Variants in ZNF277 observed in about 807,000 individuals in gnomAD.
ZNF277 encodes the protein nuclear receptor-interacting factor 4.
Under a neutral mutation model 60.7 loss-of-function variants are expected in ZNF277, and 55 were observed. The observed-to-expected ratio is 0.91, with a 90% CI of 0.73 to 1.13. The LOEUF (loss-of-function observed/expected upper bound fraction) is 1.13. Among genes scored for constraint, ZNF277 ranks in the 50% most tolerant of loss-of-function variants. The pLI is 0.00. For missense variants in ZNF277, 510 were observed against 523.0 expected (o/e 0.98, Z 0.24); for synonymous variants, 178 against 179.3 (o/e 0.99, Z 0.06).
chr7:112,289,614 G>T (rs1792158514), intron 2 of ZNF277, among the ~76,000 whole-genome samples: 1 of 152,136 alleles, frequency 6.6e-6, no homozygotes, highest in Non-Finnish European at 1.5e-5. Context: ...TATGTGGTGA[G>T]ATCTGTTGAT....
At chr7:112,241,479 C>G (rs1379862768) in intron 1 of ZNF277, among the ~76,000 whole-genome samples, 1 of 152,060 alleles carries the variant, frequency 6.6e-6, no homozygotes, top group Non-Finnish European at 1.5e-5. Context: ...ATGTGCAATC[C>G]AGCAATCCTG....
chr7:112,224,306 T>A (rs1822116028), intron 1 of ZNF277, among the ~76,000 whole-genome samples: 1 of 152,244 alleles, frequency 6.6e-6, no homozygotes, highest in South Asian at 2.1e-4. Flanking sequence ...TAAAAAATTG[T>A]AAACAAATTT....
chr7:112,336,946 A>G (rs1431094304), intron 8 of ZNF277, among the ~76,000 whole-genome samples: 4 of 152,184 alleles, frequency 2.6e-5, no homozygotes, highest in Non-Finnish European at 5.9e-5. Context: ...TCCTGGATGG[A>G]TAGAGTTAAG....
intron 1 of ZNF277, among the ~76,000 whole-genome samples, chr7:112,269,486 C>T (rs976128887): frequency 2.0e-5 from 3 of 152,082 alleles, no homozygotes; most frequent in Non-Finnish European, 4.4e-5. Flanking sequence ...GAAAAAAACA[C>T]TGGAACTGTA....
chr7:112,317,799 G>C (rs1168558892), intron 4 of ZNF277, among the ~76,000 whole-genome samples: 1 of 152,106 alleles, frequency 6.6e-6, no homozygotes, highest in Non-Finnish European at 1.5e-5. Context: ...ATGGAAGATA[G>C]TTCAAATGAA....
rs373878161 is a variant in ZNF277, at chr7:112,296,396, C to G, written c.465+85C>G. 106 of 605,900 alleles carry G rather than the reference C, an allele frequency of 1.7e-4. 1 individual carries two copies. Among genetic ancestry groups the G allele is most frequent in the East Asian group, 1.3e-3 (37 of 27,436 alleles). The allele number at this position is 605,900 out of a possible 1,614,324, so 37.5% of individuals were successfully genotyped here. On this transcript the variant is annotated intron_variant, in intron 4 of 11. Transcript: ENST00000361822. ...ATCATATTGGTTTTTTTTTTTTTTACTTTTTGTTATGGAAACTTTCAAACA... is the reference window on the plus strand; with the variant it reads ...ATCATATTGGTTTTTTTTTTTTTTAGTTTTTGTTATGGAAACTTTCAAACA...
chr7:112,318,596 T>C (rs1584406541), intron 5 of ZNF277, among the ~76,000 whole-genome samples: 1 of 152,178 alleles, frequency 6.6e-6, no homozygotes, highest in African/African-American at 2.4e-5. Context: ...TTCTAAATCA[T>C]TGGTAACTTT....
At chr7:112,213,605 C>T (rs541134837) in intron 1 of ZNF277, among the ~76,000 whole-genome samples, 5 of 152,120 alleles carry the variant, frequency 3.3e-5, no homozygotes, top group African/African-American at 1.2e-4. Context: ...AGTCATATTA[C>T]GCTTTTTATG....
intron 4 of ZNF277, among the ~76,000 whole-genome samples, chr7:112,303,401 A>G (rs1164871549): frequency 6.6e-6 from 1 of 152,134 alleles, no homozygotes; most frequent in Non-Finnish European, 1.5e-5. Flanking sequence ...TTAGTTCAGT[A>G]GTAGATAGGA....
At chr7:112,263,212 A>C (rs1313813621) in intron 1 of ZNF277, among the ~76,000 whole-genome samples, 1 of 152,186 alleles carries the variant, frequency 6.6e-6, no homozygotes, top group East Asian at 1.9e-4. Context: ...GATCTTATTG[A>C]GGGTTTTGAG....
At chr7:112,311,549 A>G (rs912235821) in intron 4 of ZNF277, among the ~76,000 whole-genome samples, 11 of 152,208 alleles carry the variant, frequency 7.2e-5, no homozygotes, top group African/African-American at 2.6e-4. Flanking sequence ...TTTTTTAGAA[A>G]ACATAAATCC....
At chr7:112,273,232 G>T (rs1452069686) in intron 1 of ZNF277, among the ~76,000 whole-genome samples, 1 of 152,168 alleles carries the variant, frequency 6.6e-6, no homozygotes, top group Non-Finnish European at 1.5e-5. Context: ...GGTTGTGACC[G>T]CTGGCATGGG....
At chr7:112,298,038 A>G (rs1792392630) in intron 4 of ZNF277, among the ~76,000 whole-genome samples, 1 of 152,214 alleles carries the variant, frequency 6.6e-6, no homozygotes, top group South Asian at 2.1e-4. Context: ...GAAACAAAAG[A>G]AGAATGAAAA....
intron 1 of ZNF277, 100 bp downstream of exon 1, chr7:112,206,907 TG>T: frequency 8.6e-7 from 1 of 1,160,068 alleles, no homozygotes; most frequent in South Asian, 1.5e-5. Flanking sequence ...CCTTCAGCTC[TG>T]GGGCCACCTG....
chr7:112,237,820 T>A (rs1790840273), intron 1 of ZNF277, among the ~76,000 whole-genome samples: 1 of 152,110 alleles, frequency 6.6e-6, no homozygotes, highest in Non-Finnish European at 1.5e-5. Context: ...CCTAACGTAT[T>A]CTGCAAAGCC....
chr7:112,312,884 T>C (rs144747784), intron 4 of ZNF277, among the ~76,000 whole-genome samples: 6 of 152,100 alleles, frequency 3.9e-5, no homozygotes, highest in African/African-American at 1.4e-4. Flanking sequence ...CCTTACTGAA[T>C]TGATTACAAT....
intron 1 of ZNF277, 35 bp from the exon 2 acceptor site, chr7:112,286,837 CT>C: frequency 9.2e-7 from 1 of 1,085,158 alleles, no homozygotes; most frequent in Non-Finnish European, 1.2e-6. Flanking sequence ...GCTTTTCTTT[CT>C]TTCTTTTTTT....
intron 1 of ZNF277, among the ~76,000 whole-genome samples, chr7:112,282,642 T>C (rs1791975266): frequency 6.6e-6 from 1 of 152,244 alleles, no homozygotes; most frequent in Admixed American, 6.5e-5. Context: ...CCCTCAGGCT[T>C]AGACACTGCA....
intron 4 of ZNF277, among the ~76,000 whole-genome samples, chr7:112,297,068 C>G (rs1269250549): frequency 1.3e-5 from 2 of 150,578 alleles, no homozygotes; most frequent in Admixed American, 6.6e-5. Flanking sequence ...GCTGGGACTA[C>G]AGGCACCTGC....
Sources: gnomAD v4.1 joint callset for allele counts (sites outside exome capture counted in the v4.1 genomes callset) on GRCh38, gnomAD v4.1.1 for gene constraint, MANE v1.5 for transcripts, NCBI Gene and HGNC (gene_info 2026-07-23, HGNC 2026-07-21) for gene names.